ZNF415: variants seen among roughly 807,000 people sequenced by gnomAD.
The protein encoded by ZNF415 is zinc finger protein 415.
Under a neutral mutation model 7.3 loss-of-function variants are expected in ZNF415, and 5 were observed. The observed-to-expected ratio is 0.69, with a 90% CI of 0.36 to 1.44. The LOEUF (loss-of-function observed/expected upper bound fraction) is 1.44. Ranked by LOEUF, ZNF415 falls within the 40% of genes most tolerant of loss-of-function variation. The pLI is 0.04. For missense variants in ZNF415, 628 were observed against 664.8 expected, an observed-to-expected ratio of 0.94 and a Z score of 0.61; for synonymous variants, 207 against 226.3, an observed-to-expected ratio of 0.91 and a Z score of 0.77.
At chr19:53,112,433 T>C (rs2086371769) in intron 3 of ZNF415, among the ~76,000 whole-genome samples, 1 of 152,152 alleles carries the variant, frequency 6.6e-6, no homozygotes, top group African/African-American at 2.4e-5. Context: ...GGAAGGCAGC[T>C]ATGCTCACCA....
At chr19:53,129,259 AG>A (rs1393660169) in intron 1 of ZNF415, among the ~76,000 whole-genome samples, 2 of 152,132 alleles carry the variant, frequency 1.3e-5, no homozygotes, top group Non-Finnish European at 2.9e-5. Context: ...GGACACTGGC[AG>A]GGGCCCTGGA....
chr19:53,112,753 T>C (rs1568551159), intron 3 of ZNF415, among the ~76,000 whole-genome samples: 1 of 152,182 alleles, frequency 6.6e-6, no homozygotes, highest in Non-Finnish European at 1.5e-5. Context: ...AAAATCTGCA[T>C]GCACATGTGT....
At chr19:53,119,444 CAAAAAAAAAAAA>C (rs34688086) in intron 2 of ZNF415, among the ~76,000 whole-genome samples, 2 of 35,092 alleles carry the variant, frequency 5.7e-5, no homozygotes, top group African/African-American at 1.1e-4. Flanking sequence ...GACTCCATCT[CAAAAAAAAAAAA>C]AAAAAAAAAA....
intron 3 of ZNF415, 85 bp from the exon 4 acceptor site, chr19:53,109,993 A>G (rs1483058689): frequency 3.5e-6 from 4 of 1,128,484 alleles, no homozygotes; most frequent in Non-Finnish European, 4.9e-6. Flanking sequence ...TTACACAAAA[A>G]GCAACATTTA....
chr19:53,114,111 C>A (rs2086648860), intron 3 of ZNF415, among the ~76,000 whole-genome samples: 1 of 152,122 alleles, frequency 6.6e-6, no homozygotes, highest in South Asian at 2.1e-4. Context: ...GTATGCATAA[C>A]CTATAGGTTG....
chr19:53,117,402 T>C (rs1416137687), intron 2 of ZNF415, among the ~76,000 whole-genome samples: 1 of 150,926 alleles, frequency 6.6e-6, no homozygotes, highest in African/African-American at 2.5e-5. Flanking sequence ...GATCACACCA[T>C]TGCACTTCAG....
At chr19:53,121,384 CAA>C (rs773591699) in intron 2 of ZNF415, among the ~76,000 whole-genome samples, 35 of 80,084 alleles carry the variant, frequency 4.4e-4, no homozygotes, top group Admixed American at 3.9e-4. Flanking sequence ...GACTCCGTCT[CAA>C]AAAAAAAAAA....
intron 3 of ZNF415, among the ~76,000 whole-genome samples, chr19:53,112,067 G>C (rs1465355333): frequency 6.6e-6 from 1 of 152,078 alleles, no homozygotes; most frequent in East Asian, 1.9e-4. Context: ...TCAGCCTCCT[G>C]AGTAGCTGAG....
At chr19:53,132,794 A>C (rs2090262693) in intron 1 of ZNF415, 62 bp downstream of exon 1, 1 of 152,430 alleles carries the variant, frequency 6.6e-6, no homozygotes, top group Non-Finnish European at 1.5e-5. Flanking sequence ...TCGACCCTGG[A>C]CATCGGCTGT....
chr19:53,116,325 G>C lies in ZNF415; in HGVS notation c.124C>G (p.Leu42Val). 1 of 1,609,292 alleles carries C rather than the reference G, an allele frequency of 6.2e-7. No homozygotes were observed. The highest frequency in any genetic ancestry group is 1.3e-5 in the African/African-American group (1 of 74,686). ...RDVMLENYRN[L>V]VSLDLSRNCV... is the part of the protein sequence containing the mutation. ...AAATTATCCTCACCCAGGGAGACCA[G>C]GTTCCTGTAGTTCTCCAACATCACA... The change falls in exon 3 of 4, where the codon CTG becomes GTG. Residue 42 changes from leucine to valine, a missense_variant. Transcript: ENST00000243643.
chr19:53,109,635 T>A lies in ZNF415; in HGVS notation c.410A>T (p.His137Leu), dbSNP rs757634852. Residue 137 changes from histidine to leucine, a missense_variant, in exon 4 of 4, where the codon CAT becomes CTT. By Grantham distance (99) the His-to-Leu change is moderately conservative (BLOSUM62 -3). Coordinates refer to ENST00000243643, the MANE Select transcript of ZNF415 (RefSeq NM_018355.4). ...TGGTAGAAAGCTTAATCCAAGCTGA[T>A]GTTTAATAGACTTGTTTCCTATACC... ...RRGIGNKSIK[H>L]QLGLSFLPHP... The A allele has an allele frequency of 6.2e-7, 1 of 1,614,146 alleles. No homozygotes were observed. The highest frequency in any genetic ancestry group is 8.5e-7 in the Non-Finnish European group (1 of 1,180,012).
intron 3 of ZNF415, among the ~76,000 whole-genome samples, chr19:53,115,054 G>A (rs999180255): frequency 2.0e-5 from 3 of 152,124 alleles, no homozygotes; most frequent in Admixed American, 6.6e-5. Flanking sequence ...AGGAGAGACC[G>A]GCCGGGCGCG....
At position 53,108,909 on chromosome 19, in the gene ZNF415, G is replaced by T; in HGVS notation, c.1136C>A (p.Thr379Asn). 1 of 1,614,154 alleles carries T rather than the reference G, an allele frequency of 6.2e-7. No homozygotes were observed. Among genetic ancestry groups the T allele is most frequent in the Middle Eastern group, 1.6e-4 (1 of 6,062 alleles). ...ATTACACTTGTATGGTTTCTCCCCA[G>T]TGTGAATTCTCTGATGAGTTGCAAG... ...SSLATHQRIH[T>N]GEKPYKCNEC... Residue 379 changes from threonine to asparagine, a missense_variant, in exon 4 of 4, where the codon ACT (threonine) becomes AAT (asparagine). By Grantham distance (65) the Thr-to-Asn change is moderately conservative. Transcript: ENST00000243643.
In ZNF415 at chr19:53,108,552, C is replaced by T. The variant is rs765728142; in HGVS notation, c.1493G>A (p.Cys498Tyr). 1.9e-6 allele frequency: 3 copies of T among 1,614,086 alleles called. No individual in the cohort carries two copies. Among genetic ancestry groups the T allele is most frequent in the East Asian group, 4.5e-5 (2 of 44,878 alleles). ...ACTAAAGGATTTGCCACACTCATTA[C>T]ATTTGTAAGGTTTTTCTCCAGTATG... The part of the protein sequence containing the change: ...VIHTGEKPYK[C>Y]NECGKSFSVR... Residue 498 changes from cysteine (C) to tyrosine (Y), a missense_variant, in exon 4 of 4, where the codon TGT becomes TAT. Transcript: ENST00000243643.
At chr19:53,129,286 C>T (rs1364469687) in intron 1 of ZNF415, among the ~76,000 whole-genome samples, 2 of 152,050 alleles carry the variant, frequency 1.3e-5, no homozygotes. Context: ...GGCTGTGGAG[C>T]CACAGTGAGG....
intron 2 of ZNF415, among the ~76,000 whole-genome samples, chr19:53,116,653 C>A (rs2087106014): frequency 6.9e-6 from 1 of 144,264 alleles, no homozygotes; most frequent in African/African-American, 2.7e-5. Context: ...TCTCGCTCTG[C>A]TGCCCAGGCT....
intron 3 of ZNF415, among the ~76,000 whole-genome samples, chr19:53,114,149 C>T (rs2146302621): frequency 6.6e-6 from 1 of 152,166 alleles, no homozygotes; most frequent in African/African-American, 2.4e-5. Context: ...AGAGAAATGA[C>T]AGACTCCAGG....
rs1568536439 is a variant in ZNF415, at chr19:53,109,373, G to A, written c.672C>T (p.Ala224=). The change falls in exon 4 of 4, where the codon GCC becomes GCT. Residue 224 remains alanine (A), a synonymous_variant. Coordinates refer to ENST00000243643, the MANE Select transcript of ZNF415 (RefSeq NM_018355.4). The part of the protein sequence containing the change: ...KPYRYIECDK[A]LNHGSHMTVR... ...CAGTCATGTGTGAGCCATGATTCAA[G>A]GCTTTGTCGCACTCAATATATCTGT... 3 of 1,614,146 alleles carry A rather than the reference G, an allele frequency of 1.9e-6. No homozygotes were observed. The highest frequency in any genetic ancestry group is 2.5e-6 in the Non-Finnish European group (3 of 1,180,010).
At position 53,113,380 on chromosome 19, in the gene ZNF415, G is replaced by A. The variant is rs1295547321; in HGVS notation, c.136+2933C>T. On this transcript the variant is annotated intron_variant, in intron 3 of 3. Transcript: ENST00000243643. ...AAATTAGCCGGGCATGGTGGCGCAC[G>A]CCTGTAGTCCCAGCTACACGGGAGG... Among the ~76,000 whole-genome samples the A allele has an allele frequency of 9.6e-5, 8 of 83,250 alleles. 1 individual carries two copies. The highest frequency in any genetic ancestry group is 1.0e-3 in the South Asian group (2 of 1,990). The allele number at this position is 83,250 out of a possible 152,430, so 54.6% of individuals were successfully genotyped here.
Sources: allele counts gnomAD v4.1 joint callset (sites outside exome capture counted in the v4.1 genomes callset), GRCh38; gene constraint gnomAD v4.1.1; transcripts MANE v1.5; gene names NCBI Gene and HGNC (gene_info 2026-07-23, HGNC 2026-07-21).